The following FRMD4B variants were observed in gnomAD, a reference collection of about 807,000 sequenced individuals.
The protein encoded by FRMD4B is FERM domain containing 4B.
A neutral mutation model predicts 141.5 loss-of-function variants in FRMD4B; 74 were observed. The observed-to-expected ratio is 0.52, with a 90% CI of 0.43 to 0.63. The LOEUF (loss-of-function observed/expected upper bound fraction) is 0.63, where lower values mean the gene tolerates loss of function less well. Ranked by LOEUF, FRMD4B falls within the 30% of genes least tolerant of loss-of-function variation. The probability of loss-of-function intolerance (pLI) is 0.00; values close to 1 mark genes in which losing one functional copy is unlikely to be tolerated. For synonymous variants in FRMD4B, 506 were observed against 467.9 expected (o/e 1.08, Z -1.05); for missense variants, 1,366 against 1,253.4 (o/e 1.09, Z -1.36).
chr3:69,400,322 C>T (rs1475124805), intron 2 of FRMD4B, among the ~76,000 whole-genome samples: 1 of 151,772 alleles, frequency 6.6e-6, no homozygotes, highest in African/African-American at 2.4e-5. Flanking sequence ...ATGCGGTGAG[C>T]TATGAGCTAT....
intron 1 of FRMD4B, among the ~76,000 whole-genome samples, chr3:69,517,257 G>GTT (rs1559551430): frequency 6.6e-6 from 1 of 152,058 alleles, no homozygotes; most frequent in African/African-American, 2.4e-5. Context: ...CATATTTCTT[G>GTT]TTTTTTCAAT....
At chr3:69,438,519 T>C (rs1166439278) in intron 1 of FRMD4B, among the ~76,000 whole-genome samples, 5 of 152,208 alleles carry the variant, frequency 3.3e-5, no homozygotes. Context: ...ATCACTTGAA[T>C]GTGTCATTCT....
rs540880499 is a variant in FRMD4B, at chr3:69,379,647, G to A, written c.162+6181C>T. Among the ~76,000 whole-genome samples, 7 of 152,290 alleles carry A rather than the reference G, an allele frequency of 4.6e-5. No individual in the cohort carries two copies. The East Asian group carries it at 1.3e-3, about 29-fold the overall frequency. On this transcript the variant is annotated intron_variant, in intron 1 of 22. Transcript: ENST00000398540. Reference sequence around the variant, plus strand: ...TTCTGTTTTTCTGTGATAGAATTATGGACTTTTCTTCCTCTAGTATTCTCC... The same window carrying A: ...TTCTGTTTTTCTGTGATAGAATTATAGACTTTTCTTCCTCTAGTATTCTCC...
At chr3:69,386,193 G>A (rs937027075), upstream of FRMD4B, 3 of 515,560 alleles carry the variant, frequency 5.8e-6, no homozygotes, top group Non-Finnish European at 1.0e-5. Context: ...GCCAACGGCT[G>A]CGACTGGCAC....
At chr3:69,479,489 A>G (rs1706075473) in intron 1 of FRMD4B, among the ~76,000 whole-genome samples, 1 of 152,122 alleles carries the variant, frequency 6.6e-6, no homozygotes, top group Admixed American at 6.5e-5. Context: ...TAGATATGAA[A>G]TTCTGGGTTG....
At chr3:69,439,426 T>C (rs1312050091) in intron 1 of FRMD4B, among the ~76,000 whole-genome samples, 5 of 152,218 alleles carry the variant, frequency 3.3e-5, no homozygotes, top group African/African-American at 1.2e-4. Flanking sequence ...GAATTTCTCC[T>C]GGTAAATCTC....
chr3:69,516,637 T>C (rs1559551299), intron 1 of FRMD4B, among the ~76,000 whole-genome samples: 2 of 152,230 alleles, frequency 1.3e-5, no homozygotes, highest in Non-Finnish European at 2.9e-5. Flanking sequence ...AAATTTGCGC[T>C]TGTATTAAAC....
At chr3:69,436,685 C>T (rs1705266018) in intron 1 of FRMD4B, among the ~76,000 whole-genome samples, 2 of 152,158 alleles carry the variant, frequency 1.3e-5, no homozygotes, top group African/African-American at 4.8e-5. Context: ...AAGGTGGAAA[C>T]AATCCAAATG....
At chr3:69,331,336 C>T (rs935666339) in intron 1 of FRMD4B, among the ~76,000 whole-genome samples, 61 of 152,130 alleles carry the variant, frequency 4.0e-4, no homozygotes, top group Middle Eastern at 3.2e-3. Context: ...CTCAGCCCCT[C>T]GGCGTAGGGC....
chr3:69,344,927 G>C, intron 1 of FRMD4B, among the ~76,000 whole-genome samples: 1 of 152,130 alleles, frequency 6.6e-6, no homozygotes, highest in East Asian at 1.9e-4. Context: ...GAAGATGGGT[G>C]ATTTCTGCAT....
At chr3:69,505,689 A>G (rs1340577267) in intron 1 of FRMD4B, among the ~76,000 whole-genome samples, 3 of 152,230 alleles carry the variant, frequency 2.0e-5, no homozygotes, top group Non-Finnish European at 4.4e-5. Context: ...TTATTTATTT[A>G]CAACATGTTA....
intron 5 of FRMD4B, among the ~76,000 whole-genome samples, chr3:69,282,520 C>T (rs2093649102): frequency 6.6e-6 from 1 of 152,122 alleles, no homozygotes; most frequent in East Asian, 1.9e-4. Context: ...AGCTGATATT[C>T]CTTATGTGGA....
intron 1 of FRMD4B, among the ~76,000 whole-genome samples, chr3:69,507,793 T>A (rs893853976): frequency 4.6e-5 from 7 of 152,122 alleles, no homozygotes; most frequent in African/African-American, 1.7e-4. Flanking sequence ...ATTTAGAGTT[T>A]ACAGAACTAA....
At chr3:69,275,417 A>C (rs541446200) in intron 5 of FRMD4B, among the ~76,000 whole-genome samples, 1 of 148,736 alleles carries the variant, frequency 6.7e-6, no homozygotes, top group South Asian at 2.1e-4. Context: ...GATCAGCAAA[A>C]TGTTTTTATT....
At chr3:69,282,230 T>C (rs1018883570) in intron 5 of FRMD4B, among the ~76,000 whole-genome samples, 1 of 152,144 alleles carries the variant, frequency 6.6e-6, no homozygotes, top group Non-Finnish European at 1.5e-5. Context: ...CTGTTCTCAG[T>C]GGAAGGAAGG....
chr3:69,510,037 T>C (rs1376525111), intron 1 of FRMD4B, among the ~76,000 whole-genome samples: 6 of 151,860 alleles, frequency 4.0e-5, no homozygotes, highest in Non-Finnish European at 7.4e-5. Flanking sequence ...ACTCACTTTA[T>C]TGAGGTGGTC....
intron 1 of FRMD4B, 35 bp downstream of exon 1, chr3:69,385,793 G>T (rs985405417): frequency 6.7e-6 from 10 of 1,499,202 alleles, no homozygotes; most frequent in Non-Finnish European, 8.1e-6. Context: ...CCGGCATCCT[G>T]CTGGGGCCCT....
chr3:69,312,306 T>C (rs1361799295), intron 2 of FRMD4B, among the ~76,000 whole-genome samples: 1 of 152,056 alleles, frequency 6.6e-6, no homozygotes, highest in African/African-American at 2.4e-5. Context: ...TATATTACGA[T>C]GGCTGTTGGG....
At chr3:69,202,330 G>T (rs1575604931) in intron 11 of FRMD4B, among the ~76,000 whole-genome samples, 1 of 151,944 alleles carries the variant, frequency 6.6e-6, no homozygotes, top group Non-Finnish European at 1.5e-5. Context: ...GGACAATATT[G>T]GTGTCCACAT....
Sources: gnomAD v4.1 joint callset for allele counts (sites outside exome capture counted in the v4.1 genomes callset) on GRCh38, gnomAD v4.1.1 for gene constraint, MANE v1.5 for transcripts, NCBI Gene and HGNC (gene_info 2026-07-23, HGNC 2026-07-21) for gene names.